The following ZSWIM5 variants were observed in gnomAD, a reference collection of about 807,000 sequenced individuals.
ZSWIM5 encodes the protein zinc finger SWIM-type containing 5, also known as zinc finger SWIM domain-containing protein 5.
Under a neutral mutation model 119.6 loss-of-function variants are expected in ZSWIM5, and 55 were observed. The ratio of observed to expected loss-of-function variants is 0.46; its 90% confidence interval spans 0.37 to 0.58. ZSWIM5 has a LOEUF of 0.58. Ranked by LOEUF, ZSWIM5 falls within the 20% of genes least tolerant of loss-of-function variation. The pLI is 0.00. For synonymous variants in ZSWIM5, 537 were observed against 606.9 expected (o/e 0.88, Z 1.69); for missense variants, 1,193 against 1,512.8 (o/e 0.79, Z 3.51).
At chr1:45,034,233 C>T (rs533956418) in intron 11 of ZSWIM5, 79 bp downstream of exon 11, 1 of 1,463,124 alleles carries the variant, frequency 6.8e-7, no homozygotes, top group East Asian at 2.4e-5. Context: ...TCTCAGGAGA[C>T]TGCAGGCCAA....
chr1:45,068,848 T>C (rs1363793485), intron 2 of ZSWIM5, among the ~76,000 whole-genome samples: 3 of 125,492 alleles, frequency 2.4e-5, no homozygotes, highest in Non-Finnish European at 3.2e-5. Flanking sequence ...TCTTCCAGGC[T>C]GGAGTGCAGT....
chr1:45,084,646 C>T (rs982674674), intron 2 of ZSWIM5, among the ~76,000 whole-genome samples: 1 of 152,208 alleles, frequency 6.6e-6, no homozygotes, highest in Non-Finnish European at 1.5e-5. Context: ...AAAGAGAGGG[C>T]CTACAGGCCC....
intron 1 of ZSWIM5, among the ~76,000 whole-genome samples, chr1:45,166,699 C>A (rs1645906277): frequency 6.6e-6 from 1 of 152,072 alleles, no homozygotes; most frequent in African/African-American, 2.4e-5. Context: ...AGAGCCAAAT[C>A]ATGAGTGAAC....
chr1:45,021,707 G>A (rs528226346), intron 11 of ZSWIM5, among the ~76,000 whole-genome samples: 75 of 152,296 alleles, frequency 4.9e-4, no homozygotes, highest in Middle Eastern at 6.8e-3. Flanking sequence ...GACCGAACCT[G>A]GTTCAGCCAT....
intron 1 of ZSWIM5, among the ~76,000 whole-genome samples, chr1:45,146,431 CTTTTTTT>C (rs35073818): frequency 2.2e-5 from 1 of 45,882 alleles, no homozygotes; most frequent in African/African-American, 1.1e-4. Context: ...TGTTTCTAGA[CTTTTTTT>C]TTTTTTTTTT....
intron 1 of ZSWIM5, among the ~76,000 whole-genome samples, chr1:45,109,691 G>A (rs907080904): frequency 1.8e-4 from 27 of 150,834 alleles, no homozygotes; most frequent in Admixed American, 1.8e-3. Context: ...GTTGCGGTGA[G>A]CCAAGATCGA....
At chr1:45,191,065 G>A (rs1054294610) in intron 1 of ZSWIM5, among the ~76,000 whole-genome samples, 1 of 145,658 alleles carries the variant, frequency 6.9e-6, no homozygotes, top group Non-Finnish European at 1.5e-5. Context: ...TCCTGCCTCA[G>A]CCTCCCGAGT....
intron 1 of ZSWIM5, among the ~76,000 whole-genome samples, chr1:45,097,019 T>C (rs1012915101): frequency 6.6e-6 from 1 of 152,184 alleles, no homozygotes; most frequent in African/African-American, 2.4e-5. Context: ...AACAACCAAG[T>C]ACTTTGCAGG....
At chr1:45,038,873 G>A in intron 8 of ZSWIM5, 63 bp downstream of exon 8, 4 of 1,598,818 alleles carry the variant, frequency 2.5e-6, no homozygotes, top group Admixed American at 3.4e-5. Context: ...TAGGATTACA[G>A]GTGTGAGCCA....
chr1:45,200,020 TTGAGCCACAA>T, intron 1 of ZSWIM5, among the ~76,000 whole-genome samples: 1 of 152,192 alleles, frequency 6.6e-6, no homozygotes. Flanking sequence ...CATCCAGAAA[TTGAGCCACAA>T]ATGCCAATAC....
intron 1 of ZSWIM5, among the ~76,000 whole-genome samples, chr1:45,180,670 T>G (rs1646011506): frequency 6.6e-6 from 1 of 152,070 alleles, no homozygotes; most frequent in Non-Finnish European, 1.5e-5. Context: ...GCAGCCTAAC[T>G]GGGAGGCACC....
At chr1:45,191,634 A>AT (rs1646093786) in intron 1 of ZSWIM5, among the ~76,000 whole-genome samples, 1 of 152,144 alleles carries the variant, frequency 6.6e-6, no homozygotes, top group African/African-American at 2.4e-5. Context: ...ACTCCTTTAT[A>AT]AGTGTCCTGA....
At chr1:45,099,410 T>G (rs1487602873) in intron 1 of ZSWIM5, among the ~76,000 whole-genome samples, 4 of 151,758 alleles carry the variant, frequency 2.6e-5, no homozygotes, top group East Asian at 3.9e-4. Flanking sequence ...ATAATTAATA[T>G]CCTACCAACC....
chr1:45,106,798 G>C (rs1245780998), intron 1 of ZSWIM5, among the ~76,000 whole-genome samples: 1 of 152,190 alleles, frequency 6.6e-6, no homozygotes, highest in Non-Finnish European at 1.5e-5. Context: ...GGAAAAGAAA[G>C]AGAGATCAGA....
At chr1:45,052,808 T>A (rs989094011) in intron 4 of ZSWIM5, among the ~76,000 whole-genome samples, 1 of 151,860 alleles carries the variant, frequency 6.6e-6, no homozygotes, top group Non-Finnish European at 1.5e-5. Context: ...TTCAATTTTT[T>A]AAATGTACCA....
chr1:45,037,507 T>C (rs1419340431), intron 8 of ZSWIM5, among the ~76,000 whole-genome samples: 1 of 152,232 alleles, frequency 6.6e-6, no homozygotes, highest in African/African-American at 2.4e-5. Context: ...ATTGTCTGTT[T>C]TTGTTTCTGT....
intron 2 of ZSWIM5, among the ~76,000 whole-genome samples, chr1:45,065,477 C>T (rs752238718): frequency 3.3e-5 from 5 of 152,114 alleles, no homozygotes; most frequent in Admixed American, 6.5e-5. Flanking sequence ...GTGATGATAA[C>T]GGCAGTAGCT....
chr1:45,197,149 C>A (rs371788117), intron 1 of ZSWIM5, among the ~76,000 whole-genome samples: 13 of 152,176 alleles, frequency 8.5e-5, no homozygotes, highest in African/African-American at 3.1e-4. Flanking sequence ...TGTTTGGGAA[C>A]CTGGACAGGA....
chr1:45,177,845 G>A (rs1645990316), intron 1 of ZSWIM5, among the ~76,000 whole-genome samples: 1 of 152,018 alleles, frequency 6.6e-6, no homozygotes, highest in African/African-American at 2.4e-5. Flanking sequence ...ACAACACTGA[G>A]TTTTGTGACT....
Sources: allele counts gnomAD v4.1 joint callset (sites outside exome capture counted in the v4.1 genomes callset), GRCh38; gene constraint gnomAD v4.1.1; transcripts MANE v1.5; gene names NCBI Gene and HGNC (gene_info 2026-07-23, HGNC 2026-07-21).